VEPH1: variants seen among roughly 807,000 people sequenced by gnomAD.
VEPH1 encodes the protein ventricular zone expressed PH domain containing 1, also known as ventricular zone-expressed PH domain-containing protein homolog 1.
In VEPH1, 80 loss-of-function variants were observed where a neutral mutation model predicts 85.2. That is an observed-to-expected ratio of 0.94 (90% CI 0.78 to 1.13). The LOEUF is 1.13. VEPH1 is among the 50% of genes most tolerant of loss of function. The pLI, the probability that VEPH1 is intolerant of heterozygous loss-of-function variation, is 0.00. For synonymous variants in VEPH1, 297 were observed against 348.0 expected, an observed-to-expected ratio of 0.85 and a Z score of 1.63; for missense variants, 955 against 980.5, an observed-to-expected ratio of 0.97 and a Z score of 0.35.
chr3:157,483,062 A>G (rs1450859877), intron 2 of VEPH1, among the ~76,000 whole-genome samples: 1 of 151,916 alleles, frequency 6.6e-6, no homozygotes, highest in Non-Finnish European at 1.5e-5. Flanking sequence ...GTCATATTCT[A>G]CATTGGCATC....
rs1735739421 is a variant in VEPH1 at position 157,460,276 on chromosome 3, C to A, written c.434G>T (p.Cys145Phe). ...KFLHRGNKEL[C>F]RNMSNYLSLA... is the part of the protein sequence containing the mutation. ...AGACAGGTAGTTAGACATATTCCTG[C>A]ACAGTTCCTTGTTGCCTCTGTGGAG... Residue 145 changes from cysteine (C) to phenylalanine (F), a missense_variant, in exon 4 of 14, where the codon TGC becomes TTC. By Grantham distance (205) the Cys-to-Phe change is radical. Coordinates refer to ENST00000362010, the MANE Select transcript of VEPH1 (RefSeq NM_001167912.2). 1 of 1,614,168 alleles carries A rather than the reference C, an allele frequency of 6.2e-7. No homozygotes were observed. Among genetic ancestry groups the A allele is most frequent in the Non-Finnish European group, 8.5e-7 (1 of 1,180,034 alleles).
At chr3:157,300,656 G>T (rs780874554) in intron 11 of VEPH1, among the ~76,000 whole-genome samples, 8 of 152,124 alleles carry the variant, frequency 5.3e-5, no homozygotes, top group Non-Finnish European at 7.4e-5. Context: ...GGATTAAAAA[G>T]AAAGAGTAAA....
intron 4 of VEPH1, among the ~76,000 whole-genome samples, chr3:157,440,759 A>G (rs1734055894): frequency 6.6e-6 from 1 of 152,094 alleles, no homozygotes; most frequent in Non-Finnish European, 1.5e-5. Context: ...TTTTCGTTTC[A>G]GCATCTCCAG....
chr3:157,376,410 C>A (rs1472744320), intron 7 of VEPH1, among the ~76,000 whole-genome samples: 1 of 152,174 alleles, frequency 6.6e-6, no homozygotes, highest in Admixed American at 6.5e-5. Flanking sequence ...TCAACTGGGC[C>A]CTGGCAGACA....
intron 9 of VEPH1, among the ~76,000 whole-genome samples, chr3:157,328,144 C>T (rs1222446464): frequency 6.6e-6 from 1 of 152,158 alleles, no homozygotes; most frequent in Non-Finnish European, 1.5e-5. Context: ...TAGAGTGGCT[C>T]CTGAAATGCA....
intron 3 of VEPH1, among the ~76,000 whole-genome samples, chr3:157,462,031 G>A (rs1305318908): frequency 6.8e-6 from 1 of 147,868 alleles, no homozygotes; most frequent in African/African-American, 2.5e-5. Flanking sequence ...TAAACCTTTG[G>A]ATAAATGTAT....
At chr3:157,493,741 T>A (rs1210293699) in intron 2 of VEPH1, among the ~76,000 whole-genome samples, 1 of 152,120 alleles carries the variant, frequency 6.6e-6, no homozygotes. Context: ...TAGAACTGAG[T>A]CACCAGTCCT....
chr3:157,260,820 A>G lies in VEPH1; in HGVS notation c.*314T>C. ...GTTTTCTCACAGTTTTAAATGACATATCTACAGAAGTTCTTTTATCAGTGA... is the reference window on the plus strand; with the variant it reads ...GTTTTCTCACAGTTTTAAATGACATGTCTACAGAAGTTCTTTTATCAGTGA... On this transcript the variant is annotated 3_prime_UTR_variant, in exon 14 of 14. Coordinates refer to ENST00000362010, the MANE Select transcript of VEPH1 (RefSeq NM_001167912.2). The G allele has an allele frequency of 4.1e-6, 1 of 245,956 alleles. No homozygotes were observed. The highest frequency in any genetic ancestry group is 7.8e-6 in the Non-Finnish European group (1 of 127,788). 15.2% of individuals were successfully genotyped at this position (245,956 alleles called of 1,614,324 possible).
chr3:157,459,798 T>A, intron 4 of VEPH1: 1 of 1,485,016 alleles, frequency 6.7e-7, no homozygotes, highest in Non-Finnish European at 8.9e-7. Flanking sequence ...TTTCTTGCTT[T>A]TGGAAGCAAA....
intron 9 of VEPH1, among the ~76,000 whole-genome samples, chr3:157,345,698 A>T (rs1269739510): frequency 1.3e-5 from 2 of 152,258 alleles, no homozygotes; most frequent in African/African-American, 2.4e-5. Context: ...CCAAAGGATT[A>T]TAAATCATGC....
At chr3:157,316,093 A>G (rs1720726835) in intron 10 of VEPH1, 1 of 152,082 alleles carries the variant, frequency 6.6e-6, no homozygotes, top group East Asian at 1.9e-4. Flanking sequence ...CTTAATTGCT[A>G]TAGTTCTACT....
At chr3:157,408,472 T>C (rs1392541578) in intron 6 of VEPH1, among the ~76,000 whole-genome samples, 1 of 152,142 alleles carries the variant, frequency 6.6e-6, no homozygotes, top group Non-Finnish European at 1.5e-5. Flanking sequence ...AATTCTTAAT[T>C]ACCAGTATTC....
At chr3:157,386,244 G>A (rs1729276246) in intron 6 of VEPH1, among the ~76,000 whole-genome samples, 1 of 30,642 alleles carries the variant, frequency 3.3e-5, no homozygotes, top group Non-Finnish European at 5.3e-5. Flanking sequence ...AGTAAAAATG[G>A]TTCCACAAAA....
At chr3:157,391,376 GTTTC>G (rs1220140190) in intron 6 of VEPH1, among the ~76,000 whole-genome samples, 1 of 152,212 alleles carries the variant, frequency 6.6e-6, no homozygotes, top group Non-Finnish European at 1.5e-5. Flanking sequence ...AGAGCAGTTT[GTTTC>G]TTTCAAGCCC....
intron 7 of VEPH1, 32 bp downstream of exon 7, chr3:157,381,124 G>C (rs951924392): frequency 1.3e-5 from 21 of 1,608,632 alleles, no homozygotes; most frequent in Non-Finnish European, 1.7e-5. Flanking sequence ...GTGCACAGCA[G>C]CTCCCTGAGG....
chr3:157,299,927 C>T (rs889500485), intron 11 of VEPH1, among the ~76,000 whole-genome samples: 2 of 152,134 alleles, frequency 1.3e-5, no homozygotes, highest in Admixed American at 6.5e-5. Context: ...ATGGACTTTA[C>T]ATGTATTATG....
In VEPH1 at chr3:157,440,599, TAC is replaced by T. The variant is rs555414445; in HGVS notation, c.530-12113_530-12112del. On this transcript the variant is annotated intron_variant, in intron 4 of 13. Coordinates refer to ENST00000362010, the MANE Select transcript of VEPH1 (RefSeq NM_001167912.2). ...CTACATACACATACACACATATATA[TAC>T]ACACACATTTATATACATATATGTA... Among the ~76,000 whole-genome samples the T allele has an allele frequency of 4.1e-4, 62 of 152,206 alleles. 1 individual carries two copies. The South Asian group carries it at 0.012, about 31-fold the overall frequency.
chr3:157,372,092 G>A (rs577900762), intron 7 of VEPH1, among the ~76,000 whole-genome samples: 2 of 152,174 alleles, frequency 1.3e-5, no homozygotes, highest in African/African-American at 4.8e-5. Flanking sequence ...TGACTTTATC[G>A]TCTGGGCACA....
intron 4 of VEPH1, among the ~76,000 whole-genome samples, chr3:157,431,164 G>A (rs953779210): frequency 6.6e-6 from 1 of 152,116 alleles, no homozygotes; most frequent in Non-Finnish European, 1.5e-5. Flanking sequence ...GGCAGTTTCC[G>A]CTGTACTCTC....
Sources: gnomAD v4.1 joint callset for allele counts (sites outside exome capture counted in the v4.1 genomes callset) on GRCh38, gnomAD v4.1.1 for gene constraint, MANE v1.5 for transcripts, NCBI Gene and HGNC (gene_info 2026-07-23, HGNC 2026-07-21) for gene names.